USP8: variants seen among roughly 807,000 people sequenced by gnomAD.
USP8 encodes ubiquitin specific peptidase 8.
A neutral mutation model predicts 130.0 loss-of-function variants in USP8; 27 were observed. The ratio of observed to expected loss-of-function variants is 0.21; its 90% CI spans 0.15 to 0.29. The LOEUF is 0.29. USP8 is among the 10% of genes least tolerant of loss of function. The pLI is 1.00. For missense variants in USP8, 1,029 were observed against 1,312.2 expected, an observed-to-expected ratio of 0.78 and a Z score of 3.33; for synonymous variants, 392 against 444.1, an observed-to-expected ratio of 0.88 and a Z score of 1.48.
chr15:50,459,592 A>AG (rs1325525950), intron 5 of USP8, among the ~76,000 whole-genome samples: 1 of 152,210 alleles, frequency 6.6e-6, no homozygotes, highest in East Asian at 1.9e-4. Context: ...CTCAAAAAAA[A>AG]AGAAAAGAAT....
chr15:50,458,361 G>A (rs2050863348), intron 4 of USP8: 1 of 152,528 alleles, frequency 6.6e-6, no homozygotes, highest in Admixed American at 6.5e-5. Flanking sequence ...ATGTTGGTCA[G>A]GCTGGTCTCG....
At chr15:50,445,715 G>A (rs2141262055) in intron 3 of USP8, among the ~76,000 whole-genome samples, 1 of 151,580 alleles carries the variant, frequency 6.6e-6, no homozygotes, top group East Asian at 1.9e-4. Context: ...AAATTAGCTA[G>A]GTGTGGTGGC....
chr15:50,431,615 A>C (rs368344773), intron 1 of USP8, among the ~76,000 whole-genome samples: 1 of 152,088 alleles, frequency 6.6e-6, no homozygotes, highest in African/African-American at 2.4e-5. Flanking sequence ...TTTTCCCTCT[A>C]TCCGATTGAT....
intron 4 of USP8, among the ~76,000 whole-genome samples, chr15:50,454,058 T>A (rs1313457348): frequency 6.6e-6 from 1 of 152,028 alleles, no homozygotes; most frequent in East Asian, 1.9e-4. Flanking sequence ...GAGATGGGGT[T>A]TTACCATGTT....
At chr15:50,469,295 AAATT>A (rs1166316498) in intron 7 of USP8, among the ~76,000 whole-genome samples, 1 of 151,998 alleles carries the variant, frequency 6.6e-6, no homozygotes, top group South Asian at 2.1e-4. Flanking sequence ...ATTTTTAATT[AAATT>A]AATTAAATTT....
rs1250834656 is a variant in USP8 at position 50,459,089 on chromosome 15, G to A, written c.425G>A (p.Gly142Glu). The A allele has an allele frequency of 6.2e-7, 1 of 1,614,146 alleles. No individual in the cohort carries two copies. Among genetic ancestry groups the A allele is most frequent in the Non-Finnish European group, 8.5e-7 (1 of 1,180,044 alleles). ...CTACAACAAAAAAGGCAGGAAACAG[G>A]AAGAGAGGATGGTGGCACATTGGCT... The part of the protein sequence containing the change: ...QRLQQKRQET[G>E]REDGGTLAKG... Residue 142 changes from glycine to glutamate, a missense_variant, in exon 5 of 20, where the codon GGA (glycine) becomes GAA (glutamate). Around this residue, in one of 4 missense-constraint regions of USP8, gnomAD observed 281 missense variants for 336.7 expected, o/e 0.83. Coordinates refer to ENST00000307179, the MANE Select transcript of USP8 (RefSeq NM_005154.5).
rs554779170 is a variant in USP8 at position 50,512,719 on chromosome 15, G to C, written c.*13631G>C. On this transcript the variant is annotated 3_prime_UTR_variant, in exon 20 of 20. Transcript: ENST00000307179. ...GGGCATGAGAATCATTTGAAACCAGGGGGTGGAGGTTGCAGTGAGCCGAGA... is the reference window on the plus strand; with the variant it reads ...GGGCATGAGAATCATTTGAAACCAGCGGGTGGAGGTTGCAGTGAGCCGAGA... The C allele has an allele frequency of 6.6e-6, 1 of 151,550 alleles. No homozygotes were observed. Among genetic ancestry groups the C allele is most frequent in the South Asian group, 2.1e-4 (1 of 4,766 alleles). 9.4% of individuals were successfully genotyped at this position (151,550 alleles called of 1,614,324 possible). A position where few individuals can be genotyped will look rare whatever the true frequency, so the allele number is the denominator to read the frequency against.
intron 12 of USP8, 23 bp downstream of exon 12, chr15:50,484,384 A>T: frequency 6.3e-7 from 1 of 1,590,014 alleles, no homozygotes; most frequent in Non-Finnish European, 8.6e-7. Flanking sequence ...TTGCAGGAAA[A>T]AACTGGAAAA....
intron 1 of USP8, among the ~76,000 whole-genome samples, chr15:50,426,213 A>G (rs2049715060): frequency 6.6e-6 from 1 of 152,174 alleles, no homozygotes; most frequent in Admixed American, 6.5e-5. Context: ...AGTACATTAA[A>G]TTTTTTTCAT....
chr15:50,476,301 T>C (rs998991564), intron 8 of USP8, among the ~76,000 whole-genome samples: 1 of 152,150 alleles, frequency 6.6e-6, no homozygotes, highest in African/African-American at 2.4e-5. Flanking sequence ...TGTTGGCGCG[T>C]GCTTGTAAGT....
At position 50,494,153 on chromosome 15, in the gene USP8, A is replaced by G. The variant is rs1350930491; in HGVS notation, c.2531A>G (p.Tyr844Cys). Residue 844 changes from tyrosine (Y) to cysteine (C), a missense_variant, in exon 16 of 20, where the codon TAT (tyrosine) becomes TGT (cysteine). This residue lies in a region of USP8 where 257 missense variants were observed against 429.8 expected (regional missense o/e 0.60). Coordinates refer to ENST00000307179, the MANE Select transcript of USP8 (RefSeq NM_005154.5). ...MKALWTGQYR[Y>C]ISPKDFKITI... is the part of the protein sequence containing the mutation. ...GCCCTGTGGACAGGACAGTATAGATATATCAGTCCAAAGGACTTTAAAATC... is the reference window on the plus strand; with the variant it reads ...GCCCTGTGGACAGGACAGTATAGATGTATCAGTCCAAAGGACTTTAAAATC... The G allele has an allele frequency of 4.3e-6, 7 of 1,613,174 alleles. No individual in the cohort carries two copies. In the South Asian group the frequency reaches 4.4e-5, roughly 10 times the overall value.
rs745649234 is a variant in USP8 at position 50,500,750 on chromosome 15, G to A, written c.*1662G>A. On this transcript the variant is annotated 3_prime_UTR_variant, in exon 20 of 20. Transcript: ENST00000307179. ...GAAGTATCTGGAATCTCACTGACTC[G>A]TGTGTTATCAAAGCTATATCAGGCC... is the stretch of plus-strand genomic sequence containing the variant. 19 of 1,575,420 alleles carry A rather than the reference G, an allele frequency of 1.2e-5. No individual in the cohort carries two copies. The highest frequency in any genetic ancestry group is 5.4e-5 in the African/African-American group (4 of 74,220).
In USP8 at chr15:50,499,221, C is replaced by G; in HGVS notation, c.*133C>G. ...AGGACAGTGGGAGCTGTGTTACTAG[C>G]ACTATATAATTCCGGTCAGTGCTGA... On this transcript the variant is annotated 3_prime_UTR_variant, in exon 20 of 20. Coordinates refer to ENST00000307179, the MANE Select transcript of USP8 (RefSeq NM_005154.5). 1.2e-6 allele frequency: 1 copy of G among 804,574 alleles called. No individual in the cohort carries two copies. Among genetic ancestry groups the G allele is most frequent in the African/African-American group, 1.8e-5 (1 of 57,060 alleles). The allele number at this position is 804,574 out of a possible 1,614,324, so 49.8% of individuals were successfully genotyped here. A position where few individuals can be genotyped will look rare whatever the true frequency, so the allele number is the denominator to read the frequency against.
At position 50,511,038 on chromosome 15, in the gene USP8, A is replaced by T. The variant is rs62019118; in HGVS notation, c.*11950A>T. The T allele has an allele frequency of 0.15, 23,298 of 152,150 alleles. 2,344 individuals carry two copies. Among genetic ancestry groups the T allele is most frequent in the Admixed American group, 0.28 (4,337 of 15,274 alleles). The allele number at this position is 152,150 out of a possible 1,614,324, so 9.4% of individuals were successfully genotyped here. A position where few individuals can be genotyped will look rare whatever the true frequency, so the allele number is the denominator to read the frequency against. On this transcript the variant is annotated 3_prime_UTR_variant, in exon 20 of 20. Coordinates refer to ENST00000307179, the MANE Select transcript of USP8 (RefSeq NM_005154.5). ...CGTGATCCGCCTGCCTTGGCCTCCC[A>T]AAGTGCTGGGATTACAGGCGTCAGC...
intron 11 of USP8, 93 bp from the exon 12 acceptor site, chr15:50,484,182 A>G (rs1448848341): frequency 4.3e-6 from 4 of 931,792 alleles, no homozygotes; most frequent in Non-Finnish European, 6.2e-6. Context: ...TTACATTTTC[A>G]TTCTCATAGA....
chr15:50,444,955 A>C (rs920439102), intron 3 of USP8, among the ~76,000 whole-genome samples: 6 of 151,744 alleles, frequency 4.0e-5, no homozygotes, highest in Non-Finnish European at 5.9e-5. Context: ...ACGAGGTCTT[A>C]CCCTGTTGCC....
intron 4 of USP8, among the ~76,000 whole-genome samples, chr15:50,452,144 A>G (rs575032529): frequency 6.6e-6 from 1 of 152,356 alleles, no homozygotes; most frequent in South Asian, 2.1e-4. Context: ...ATCACCTGCC[A>G]TTAAGGAATA....
intron 8 of USP8, among the ~76,000 whole-genome samples, chr15:50,475,452 G>A (rs1595957672): frequency 6.6e-6 from 1 of 152,050 alleles, no homozygotes; most frequent in Non-Finnish European, 1.5e-5. Flanking sequence ...TTGGTTAAGT[G>A]TATAAATTGG....
Position 50,500,819 on chromosome 15 carries a change from C to G in USP8, c.*1731C>G, listed in dbSNP as rs747320579. ...CAGAAAGCAGTGTAGTGGCCACCAT[C>G]CAAATCACCAAAATGGTTCTATGGG... On this transcript the variant is annotated 3_prime_UTR_variant, in exon 20 of 20. Transcript: ENST00000307179. The G allele has an allele frequency of 6.3e-7, 1 of 1,583,720 alleles. No homozygotes were observed. Among genetic ancestry groups the G allele is most frequent in the African/African-American group, 1.3e-5 (1 of 74,436 alleles).
Sources: gnomAD v4.1 joint callset for allele counts (sites outside exome capture counted in the v4.1 genomes callset) on GRCh38, gnomAD v4.1.1 for gene constraint, gnomAD v4.1.1 regional missense constraint, MANE v1.5 for transcripts, NCBI Gene and HGNC (gene_info 2026-07-23, HGNC 2026-07-21) for gene names.